REPS2: variants seen among roughly 807,000 people sequenced by gnomAD.
REPS2 encodes the protein ralBP1-associated Eps domain-containing protein 2.
A neutral mutation model predicts 53.6 loss-of-function variants in REPS2; 23 were observed. The ratio of observed to expected loss-of-function variants is 0.43; its 90% confidence interval spans 0.31 to 0.61. The LOEUF is 0.61. REPS2 is among the 20% of genes least tolerant of loss of function. The pLI, the probability that REPS2 is intolerant of heterozygous loss-of-function variation, is 0.11. For missense variants in REPS2, 446 were observed against 534.9 expected, an observed-to-expected ratio of 0.83 and a Z score of 1.64; for synonymous variants, 238 against 218.6, an observed-to-expected ratio of 1.09 and a Z score of -0.78.
chrX:17,050,133 C>CCTTCCTTCCTTT (rs1569148127), intron 6 of REPS2, among the ~76,000 whole-genome samples: 12 of 36,688 alleles, frequency 3.3e-4, no homozygotes, highest in African/African-American at 1.0e-3. Flanking sequence ...TTTCTTTCTT[C>CCTTCCTTCCTTT]CTTTCTTCCT....
downstream of REPS2, among the ~76,000 whole-genome samples, chrX:17,155,722 A>G (rs2034177325): frequency 8.9e-6 from 1 of 112,316 alleles, no homozygotes; most frequent in Admixed American, 9.4e-5. Context: ...TTTAACGTGG[A>G]CCAAACCTGC....
chrX:17,013,525 C>A (rs998502472), intron 2 of REPS2, among the ~76,000 whole-genome samples: 2 of 110,614 alleles, frequency 1.8e-5, no homozygotes, highest in African/African-American at 3.3e-5. Context: ...GGAGAGAAAT[C>A]TTTTGAGTGT....
intron 8 of REPS2, among the ~76,000 whole-genome samples, chrX:17,060,164 C>T (rs950665103): frequency 3.7e-5 from 4 of 109,550 alleles, no homozygotes; most frequent in Non-Finnish European, 7.6e-5. Context: ...TAGCCAGGTG[C>T]GGTGGCGTGC....
chrX:16,987,762 T>G (rs922508185), intron 1 of REPS2, among the ~76,000 whole-genome samples: 1 of 112,591 alleles, frequency 8.9e-6, no homozygotes, highest in South Asian at 3.6e-4. Flanking sequence ...AAACAGACAG[T>G]GGGCCAGATT....
intron 8 of REPS2, among the ~76,000 whole-genome samples, chrX:17,060,947 C>T (rs1406674553): frequency 9.0e-6 from 1 of 111,446 alleles, no homozygotes; most frequent in Non-Finnish European, 1.9e-5. Context: ...CAGTCAGGAG[C>T]AGCGGGGTGC....
rs371057121 is a variant in REPS2 at position 17,054,741 on chromosome X, A to G, written c.972-67A>G. 16 of 1,117,343 alleles carry G rather than the reference A, an allele frequency of 1.4e-5. No homozygotes were observed. In the East Asian group the frequency reaches 1.9e-4, roughly 13 times the overall value. The allele number at this position is 1,117,343 out of a possible 1,213,427, so 92.1% of individuals were successfully genotyped here. Reference sequence around the variant, plus strand: ...CACAGAGTCTGGGAGTTTTATTGGCACGTTTGGGCCAAGTAACTTGTTCTG... The same window carrying G: ...CACAGAGTCTGGGAGTTTTATTGGCGCGTTTGGGCCAAGTAACTTGTTCTG... On this transcript the variant is annotated intron_variant, in intron 7 of 17. Transcript: ENST00000357277.
At chrX:17,184,699 T>C in the REPS2 span, among the ~76,000 whole-genome samples, 8 of 111,957 alleles carry the variant, frequency 7.1e-5, no homozygotes, top group East Asian at 2.3e-3. Flanking sequence ...TGTTGTTTCC[T>C]GACTTTTTAA....
chrX:16,947,869 C>T (rs190500047), intron 1 of REPS2, among the ~76,000 whole-genome samples: 78 of 111,588 alleles, frequency 7.0e-4, no homozygotes, highest in Non-Finnish European at 1.2e-3. Flanking sequence ...TAAGGGATGT[C>T]ATAGCTACCA....
the REPS2 span, among the ~76,000 whole-genome samples, chrX:17,185,142 C>T: frequency 9.0e-6 from 1 of 110,798 alleles, no homozygotes; most frequent in East Asian, 2.8e-4. Flanking sequence ...GGATCGACTA[C>T]AGCTGGTTGG....
At chrX:17,067,887 C>G (rs901146503) in intron 9 of REPS2, among the ~76,000 whole-genome samples, 1 of 112,073 alleles carries the variant, frequency 8.9e-6, no homozygotes, top group Non-Finnish European at 1.9e-5. Context: ...TAATCTGAAT[C>G]ATTTTTTTCC....
At chrX:17,055,178 G>A (rs1456865191) in intron 8 of REPS2, among the ~76,000 whole-genome samples, 1 of 79,986 alleles carries the variant, frequency 1.3e-5, no homozygotes, top group African/African-American at 4.8e-5. Context: ...CATGTCCTTC[G>A]CCCACTTTTT....
At chrX:17,047,584 G>A (rs2061925935) in intron 6 of REPS2, 102 bp downstream of exon 6, 1 of 1,031,029 alleles carries the variant, frequency 9.7e-7, no homozygotes, top group African/African-American at 1.9e-5. Context: ...TGTGATTTCA[G>A]TTTGTTTTTC....
intron 13 of REPS2, among the ~76,000 whole-genome samples, chrX:17,084,518 G>A (rs1336326488): frequency 1.8e-5 from 2 of 112,228 alleles, no homozygotes; most frequent in African/African-American, 6.5e-5. Context: ...TATTTCATTA[G>A]CAATTTATGA....
intron 2 of REPS2, among the ~76,000 whole-genome samples, chrX:17,018,814 A>G (rs898961614): frequency 1.9e-5 from 2 of 106,397 alleles, no homozygotes; most frequent in East Asian, 2.9e-4. Context: ...AAATTGAGGT[A>G]TTTTTTTTTC....
At chrX:17,166,759 C>A in the REPS2 span, among the ~76,000 whole-genome samples, 3 of 111,898 alleles carry the variant, frequency 2.7e-5, no homozygotes, top group African/African-American at 9.8e-5. Flanking sequence ...CACACAGAGT[C>A]CCTGCTGTGT....
intron 1 of REPS2, among the ~76,000 whole-genome samples, chrX:16,964,781 G>T (rs1209631151): frequency 1.2e-5 from 1 of 82,153 alleles, no homozygotes; most frequent in Admixed American, 1.2e-4. Context: ...CTGGCCGGGC[G>T]GGGGGCTGAC....
chrX:17,171,815 C>T, the REPS2 span, among the ~76,000 whole-genome samples: 10 of 111,401 alleles, frequency 9.0e-5, no homozygotes, highest in African/African-American at 2.6e-4. Context: ...CGTGATCCAC[C>T]GCACCTGGCC....
rs776283652 is a variant in REPS2 at position 16,984,484 on chromosome X, G to A, written c.274-21737G>A. 4.5e-5 allele frequency among the ~76,000 whole-genome samples: 5 copies of A among 112,163 alleles called. No homozygotes were observed. In the East Asian group the frequency reaches 1.4e-3, roughly 31 times the overall value. On this transcript the variant is annotated intron_variant, in intron 1 of 17. Coordinates refer to ENST00000357277, the MANE Select transcript of REPS2 (RefSeq NM_004726.3). ...TAATGTGGGAGAGGATGATACAAGG[G>A]CATCAAGAATACTATGAGATGGAAA...
intron 13 of REPS2, among the ~76,000 whole-genome samples, chrX:17,102,023 T>G (rs184340156): frequency 3.2e-5 from 3 of 93,872 alleles, no homozygotes; most frequent in African/African-American, 1.2e-4. Flanking sequence ...TTTATTTTAT[T>G]TTATTTTATG....
Sources: allele counts gnomAD v4.1 joint callset (sites outside exome capture counted in the v4.1 genomes callset), GRCh38; gene constraint gnomAD v4.1.1; transcripts MANE v1.5; gene names NCBI Gene and HGNC (gene_info 2026-07-23, HGNC 2026-07-21).